LIFR: variants seen among roughly 807,000 people sequenced by gnomAD.
The protein encoded by LIFR is LIF receptor subunit alpha, also known as leukemia inhibitory factor receptor.
A neutral mutation model predicts 122.2 loss-of-function variants in LIFR; 84 were observed. The ratio of observed to expected loss-of-function variants is 0.69; its 90% CI spans 0.58 to 0.82. The LOEUF (loss-of-function observed/expected upper bound fraction) is 0.82, where lower values mean the gene tolerates loss of function less well. Ranked by LOEUF, LIFR falls within the 40% of genes least tolerant of loss-of-function variation. The pLI is 0.00. For synonymous variants in LIFR, 422 were observed against 434.7 expected, an observed-to-expected ratio of 0.97 and a Z score of 0.36; for missense variants, 1,294 against 1,311.6, an observed-to-expected ratio of 0.99 and a Z score of 0.21.
At chr5:38,505,401 TACACACACACACACACACACACAC>T (rs58882043) in intron 9 of LIFR, among the ~76,000 whole-genome samples, 1 of 139,388 alleles carries the variant, frequency 7.2e-6, no homozygotes, top group East Asian at 2.1e-4. Flanking sequence ...TGCATAGAAC[TACACACACACACACACACACACAC>T]ACACACACAC....
intron 1 of LIFR, among the ~76,000 whole-genome samples, chr5:38,546,356 T>C (rs78754739): frequency 0.014 from 2,202 of 152,324 alleles, 25 homozygotes; most frequent in Non-Finnish European, 0.021. Flanking sequence ...TTACCTACCA[T>C]AGTTTAAAAC....
intron 1 of LIFR, among the ~76,000 whole-genome samples, chr5:38,563,879 C>T (rs935809499): frequency 6.6e-6 from 1 of 152,166 alleles, no homozygotes; most frequent in Non-Finnish European, 1.5e-5. Context: ...GGCCACTGAA[C>T]CTTCTCCTGC....
chr5:38,491,110 C>T (rs1161696727), intron 14 of LIFR, among the ~76,000 whole-genome samples: 18 of 152,160 alleles, frequency 1.2e-4, no homozygotes, highest in Admixed American at 1.2e-3. Context: ...AGAGTTTATT[C>T]CTCTTTATAA....
chr5:38,530,619 C>A lies in LIFR; in HGVS notation c.29G>T (p.Arg10Leu). Residue 10 changes from arginine (R) to leucine (L), a missense_variant, in exon 2 of 20, where the codon CGA becomes CTA. By Grantham distance (102) the Arg-to-Leu change is moderately radical (BLOSUM62 -2). Transcript: ENST00000453190. MMDIYVCLKRPSWMVDNKRM... is the reference protein window; with the variant it reads MMDIYVCLKLPSWMVDNKRM... ...TTTATTGTCCACCATCCAGGATGGT[C>A]GTTTCAAACATACGTAAATATCCAT... The A allele has an allele frequency of 6.2e-7, 1 of 1,613,060 alleles. No homozygotes were observed. Among genetic ancestry groups the A allele is most frequent in the Non-Finnish European group, 8.5e-7 (1 of 1,179,130 alleles).
rs146399466 is a variant in LIFR, at chr5:38,574,031, G to A, written c.-20+21230C>T. ...CTTGGGAGGCTGAGGCAGGAGAATT[G>A]CTTGAACCTGGGAGGCAGAGGTTGC... On this transcript the variant is annotated intron_variant, in intron 1 of 19. Transcript: ENST00000263409. 6.5e-3 allele frequency among the ~76,000 whole-genome samples: 996 copies of A among 152,182 alleles called. 10 individuals carry two copies. The highest frequency in any genetic ancestry group is 0.023 in the African/African-American group (946 of 41,524).
At position 38,478,508 on chromosome 5, in the gene LIFR, G is replaced by T. The variant is rs2112340383; in HGVS notation, c.*3087C>A. The T allele has an allele frequency of 4.9e-6, 1 of 205,206 alleles. No individual in the cohort carries two copies. The highest frequency in any genetic ancestry group is 1.9e-4 in the South Asian group (1 of 5,252). The allele number at this position is 205,206 out of a possible 1,614,324, so 12.7% of individuals were successfully genotyped here. The stretch of plus-strand genomic sequence containing the variant: ...GGCTGTATAAATTCAACAAATTGAT[G>T]ACCTAGATTGCATACATGTGCTAAT... On this transcript the variant is annotated 3_prime_UTR_variant, in exon 20 of 20. Coordinates refer to ENST00000453190, the MANE Select transcript of LIFR (RefSeq NM_001127671.2).
At chr5:38,596,415 T>C (rs1033042149), upstream of LIFR, among the ~76,000 whole-genome samples, 3 of 152,204 alleles carry the variant, frequency 2.0e-5, no homozygotes, top group African/African-American at 7.2e-5. Flanking sequence ...AGCATGAGAA[T>C]CACATCACTT....
At chr5:38,493,858 A>C in intron 13 of LIFR, 73 bp from the exon 14 acceptor site, 1 of 1,247,634 alleles carries the variant, frequency 8.0e-7, no homozygotes. Flanking sequence ...AAAAATGGAC[A>C]TGAGTTAGAA....
At chr5:38,598,251 T>TA (rs1750155901), upstream of LIFR, among the ~76,000 whole-genome samples, 2 of 56,330 alleles carry the variant, frequency 3.6e-5, no homozygotes, top group Admixed American at 1.8e-4. Context: ...ATTTATTTTT[T>TA]TTTTTTTTCT....
At chr5:38,506,252 T>C (rs948683069) in intron 8 of LIFR, among the ~76,000 whole-genome samples, 178 bp from the exon 9 acceptor site, 1 of 152,218 alleles carries the variant, frequency 6.6e-6, no homozygotes, top group East Asian at 1.9e-4. Flanking sequence ...TAATCAGCCA[T>C]AAGTTTACTA....
chr5:38,568,984 G>A (rs1463260315), intron 1 of LIFR, among the ~76,000 whole-genome samples: 1 of 152,220 alleles, frequency 6.6e-6, no homozygotes, highest in Non-Finnish European at 1.5e-5. Flanking sequence ...TATATCCCCA[G>A]TGATGATCAG....
intron 1 of LIFR, among the ~76,000 whole-genome samples, chr5:38,588,620 T>C (rs1749824638): frequency 6.6e-6 from 1 of 152,194 alleles, no homozygotes; most frequent in Non-Finnish European, 1.5e-5. Flanking sequence ...AAGTAAAGAA[T>C]AAAATATTTA....
Position 38,474,683 on chromosome 5 carries a change from GTATT to G in LIFR, c.*6908_*6911del, listed in dbSNP as rs1743649185. ...CTAAAAACCATTACTTTAAAGACCA[GTATT>G]TATTATTTATTTGCTAATGTTGGAT... On this transcript the variant is annotated 3_prime_UTR_variant, in exon 20 of 20. Transcript: ENST00000453190. Among the ~76,000 whole-genome samples, 1 of 152,098 alleles carries G rather than the reference GTATT, an allele frequency of 6.6e-6. No homozygotes were observed. Among genetic ancestry groups the G allele is most frequent in the Admixed American group, 6.5e-5 (1 of 15,274 alleles).
chr5:38,492,316 C>T (rs563483818), intron 14 of LIFR, among the ~76,000 whole-genome samples: 2 of 152,190 alleles, frequency 1.3e-5, no homozygotes, highest in Non-Finnish European at 2.9e-5. Flanking sequence ...TCCCCATATC[C>T]TGCAGGTCTC....
chr5:38,502,852 C>CAT lies in LIFR; in HGVS notation c.1438-55_1438-54dup, dbSNP rs199662337. On this transcript the variant is annotated intron_variant, in intron 10 of 19. Coordinates refer to ENST00000453190, the MANE Select transcript of LIFR (RefSeq NM_001127671.2). The stretch of plus-strand genomic sequence containing the variant: ...TATGTATATATTATGTGTATGAATA[C>CAT]ATATATATATACATACACATACATA... 3,794 of 1,024,190 alleles carry CAT rather than the reference C, an allele frequency of 3.7e-3. 49 individuals are homozygous for CAT. The highest frequency in any genetic ancestry group is 0.028 in the Admixed American group (1,108 of 38,880). 63.4% of individuals were successfully genotyped at this position (1,024,190 alleles called of 1,614,324 possible). A position where few individuals can be genotyped will look rare whatever the true frequency, so the allele number is the denominator to read the frequency against.
At chr5:38,539,880 A>G (rs1216371452) in intron 1 of LIFR, among the ~76,000 whole-genome samples, 1 of 152,182 alleles carries the variant, frequency 6.6e-6, no homozygotes, top group African/African-American at 2.4e-5. Flanking sequence ...CACTTTTCTA[A>G]GTTCTTTCAA....
intron 5 of LIFR, among the ~76,000 whole-genome samples, chr5:38,512,639 A>G (rs189712503): frequency 4.6e-4 from 70 of 152,046 alleles, no homozygotes; most frequent in Non-Finnish European, 9.0e-4. Context: ...TATCCTGTCT[A>G]AAAACAACAA....
intron 11 of LIFR, 58 bp from the exon 12 acceptor site, chr5:38,499,641 T>A (rs1745074790): frequency 8.5e-7 from 1 of 1,171,154 alleles, no homozygotes; most frequent in African/African-American, 1.5e-5. Flanking sequence ...TATATGGTGC[T>A]TGGCATTTTT....
intron 1 of LIFR, among the ~76,000 whole-genome samples, chr5:38,594,172 G>C (rs1041502055): frequency 2.0e-5 from 3 of 152,098 alleles, no homozygotes; most frequent in Non-Finnish European, 4.4e-5. Context: ...GAAGCATCCT[G>C]TGGTTTTGGC....
Sources: gnomAD v4.1 joint callset for allele counts (sites outside exome capture counted in the v4.1 genomes callset) on GRCh38, gnomAD v4.1.1 for gene constraint, MANE v1.5 for transcripts, NCBI Gene and HGNC (gene_info 2026-07-23, HGNC 2026-07-21) for gene names.